Variants in ACSS1 observed in about 807,000 individuals in gnomAD.
ACSS1 encodes the protein acetyl-coenzyme A synthetase 2-like, mitochondrial.
ACSS1 carries 42 observed loss-of-function variants against 75.3 expected under a neutral mutation model. The ratio of observed to expected loss-of-function variants is 0.56; its 90% CI spans 0.44 to 0.72. The LOEUF (loss-of-function observed/expected upper bound fraction) is 0.72, where lower values mean the gene tolerates loss of function less well. Ranked by LOEUF, ACSS1 falls within the 30% of genes least tolerant of loss-of-function variation. ACSS1 has a pLI of 0.00. For missense variants in ACSS1, 782 were observed against 935.7 expected (o/e 0.84, Z 2.14); for synonymous variants, 380 against 376.8 (o/e 1.01, Z -0.10).
In ACSS1 at chr20:25,013,516, G is replaced by T; in HGVS notation, c.1579+20C>A. ...CAGTCAGCTGAAAAGGAATGAGAGG[G>T]TCCCTGACAGCCTGCTCACCTGGGT... On this transcript the variant is annotated intron_variant, in intron 10 of 13. Coordinates refer to ENST00000323482, the MANE Select transcript of ACSS1 (RefSeq NM_032501.4). 6.3e-7 allele frequency: 1 copy of T among 1,575,436 alleles called. No homozygotes were observed. Among genetic ancestry groups the T allele is most frequent in the Non-Finnish European group, 8.7e-7 (1 of 1,155,250 alleles).
In ACSS1 at chr20:25,042,205, C is replaced by T. The variant is rs146589418; in HGVS notation, c.431+5880G>A. On this transcript the variant is annotated intron_variant, in intron 2 of 13. Transcript: ENST00000323482. ...GCCAGGACCTCGGCACCCAGGAGAA[C>T]GCAAGGGAGCACAGGCAGCGTGCGT... Among the ~76,000 whole-genome samples the T allele has an allele frequency of 1.1e-4, 17 of 152,278 alleles. No homozygotes were observed. The East Asian group carries it at 2.5e-3, about 23-fold the overall frequency.
chr20:25,054,986 T>C (rs879696710), intron 1 of ACSS1, among the ~76,000 whole-genome samples: 26 of 152,228 alleles, frequency 1.7e-4, no homozygotes, highest in Middle Eastern at 3.2e-3. Flanking sequence ...AAATAACCAG[T>C]CCACTTTTTG....
intron 1 of ACSS1, among the ~76,000 whole-genome samples, chr20:25,055,212 A>G (rs2089225621): frequency 1.3e-5 from 2 of 152,212 alleles, no homozygotes; most frequent in Admixed American, 1.3e-4. Flanking sequence ...TGACTCACAG[A>G]CTCTGCGAGG....
At position 25,009,434 on chromosome 20, in the gene ACSS1, G is replaced by A. The variant is rs563074507; in HGVS notation, c.1772-46C>T. On this transcript the variant is annotated intron_variant, in intron 12 of 13. Transcript: ENST00000323482. ...GGGGATGTATTAAATACTAGACAAG[G>A]AGCCAACTCCCGAGGCAGGGTGCTA... 21 of 1,510,330 alleles carry A rather than the reference G, an allele frequency of 1.4e-5. No homozygotes were observed. In the South Asian group the frequency reaches 1.8e-4, roughly 13 times the overall value. 93.6% of individuals were successfully genotyped at this position (1,510,330 alleles called of 1,614,324 possible).
intron 1 of ACSS1, among the ~76,000 whole-genome samples, chr20:25,049,614 GAATTTACCCTGGGAAGGCA>G (rs2089148963): frequency 6.6e-6 from 1 of 152,186 alleles, no homozygotes; most frequent in African/African-American, 2.4e-5. Flanking sequence ...CACTGGAGCT[GAATTTACCCTGGGAAGGCA>G]AACCCTGGGA....
chr20:25,053,230 ATTTT>A (rs376414199), intron 1 of ACSS1, among the ~76,000 whole-genome samples: 11 of 133,428 alleles, frequency 8.2e-5, no homozygotes, highest in African/African-American at 2.0e-4. Context: ...CGCTCGGCTA[ATTTT>A]TTTTTTTTTT....
chr20:25,013,705 G>A, intron 9 of ACSS1, 43 bp from the exon 10 acceptor site: 1 of 1,564,064 alleles, frequency 6.4e-7, no homozygotes, highest in Non-Finnish European at 8.7e-7. Context: ...CAGGCTCTGG[G>A]TGAGAAGTGT....
rs911967088 is a variant in ACSS1 at position 25,013,677 on chromosome 20, C to T, written c.1453-15G>A. ...ACGACGCTGCCCTGTAGACCCCGGA[C>T]ATGCAAGTGAGACAGGGCAGGCTCT... is the stretch of plus-strand genomic sequence containing the variant. On this transcript the variant is annotated splice_polypyrimidine_tract_variant and intron_variant, in intron 9 of 13. Transcript: ENST00000323482. The T allele has an allele frequency of 6.3e-7, 1 of 1,587,166 alleles. No homozygotes were observed. Among genetic ancestry groups the T allele is most frequent in the Non-Finnish European group, 8.6e-7 (1 of 1,165,328 alleles).
chr20:25,039,446 G>A (rs1238321014), intron 2 of ACSS1, among the ~76,000 whole-genome samples: 1 of 152,214 alleles, frequency 6.6e-6, no homozygotes, highest in African/African-American at 2.4e-5. Context: ...GAATGAACCT[G>A]AGGCTGATTC....
In ACSS1 at chr20:25,006,805, C is replaced by A; in HGVS notation, c.*957G>T. The A allele has an allele frequency of 6.5e-7, 1 of 1,533,506 alleles. No homozygotes were observed. The highest frequency in any genetic ancestry group is 8.7e-7 in the Non-Finnish European group (1 of 1,145,132). The allele number at this position is 1,533,506 out of a possible 1,614,324, so 95.0% of individuals were successfully genotyped here. ...ATTGGACCTCAGTGGTTCTCACCGC[C>A]CCAACCACAGAGTGAAGGTCAGGCA... On this transcript the variant is annotated 3_prime_UTR_variant, in exon 14 of 14. Transcript: ENST00000323482.
chr20:25,043,806 G>C (rs1340681878), intron 2 of ACSS1, among the ~76,000 whole-genome samples: 1 of 152,200 alleles, frequency 6.6e-6, no homozygotes, highest in Non-Finnish European at 1.5e-5. Context: ...GCCAGGGCTG[G>C]AATACTGGGG....
intron 2 of ACSS1, among the ~76,000 whole-genome samples, chr20:25,045,136 G>T (rs995789146): frequency 2.0e-5 from 3 of 152,220 alleles, no homozygotes; most frequent in Non-Finnish European, 2.9e-5. Context: ...GTGCGTTCGG[G>T]CTGTCATCTC....
intron 3 of ACSS1, among the ~76,000 whole-genome samples, chr20:25,024,793 C>A (rs1200773198): frequency 6.6e-6 from 1 of 152,190 alleles, no homozygotes; most frequent in Admixed American, 6.5e-5. Flanking sequence ...TCCTAAGAGC[C>A]CTGGAGATGT....
At chr20:25,017,228 T>G (rs1487091348) in intron 7 of ACSS1, among the ~76,000 whole-genome samples, 1 of 152,194 alleles carries the variant, frequency 6.6e-6, no homozygotes, top group South Asian at 2.1e-4. Flanking sequence ...CATGTATTAC[T>G]TATGAAATTG....
At chr20:25,046,557 C>T in intron 2 of ACSS1, 2 of 515,098 alleles carry the variant, frequency 3.9e-6, no homozygotes, top group Non-Finnish European at 7.0e-6. Context: ...TGGCTGGGCC[C>T]TCCCTGCCGG....
In ACSS1 at chr20:25,048,194, A is replaced by C. The variant is rs1568849634; in HGVS notation, c.335-13T>G. 2 of 1,611,048 alleles carry C rather than the reference A, an allele frequency of 1.2e-6. No individual in the cohort carries two copies. The highest frequency in any genetic ancestry group is 4.5e-5 in the East Asian group (2 of 44,838). On this transcript the variant is annotated splice_polypyrimidine_tract_variant and intron_variant, in intron 1 of 13. Transcript: ENST00000323482. The stretch of plus-strand genomic sequence containing the variant: ...TCCAAGCAGTTGACTGTACAAAAAG[A>C]GGGTTTGCGGATGTTACACTTGGTG...
rs1568830607 is a variant in ACSS1 at position 25,015,179 on chromosome 20, CCCA to C, written c.1295_1297del (p.Val432del). 1.9e-6 allele frequency: 3 copies of C among 1,613,272 alleles called. No homozygotes were observed. The highest frequency in any genetic ancestry group is 2.5e-6 in the Non-Finnish European group (3 of 1,179,348). ...GTCCACCAGCGTGCACCTGCTGTCCCCCACCACCCTGTGAAGCCACTCCCAGGC... is the reference window on the plus strand; with the variant it reads ...GTCCACCAGCGTGCACCTGCTGTCCCCCACCCTGTGAAGCCACTCCCAGGC... On this transcript the variant is annotated inframe_deletion, in exon 8 of 14. Coordinates refer to ENST00000323482, the MANE Select transcript of ACSS1 (RefSeq NM_032501.4).
Position 25,023,568 on chromosome 20 carries a change from C to T in ACSS1, c.705G>A (p.Val235=). The T allele has an allele frequency of 6.2e-7, 1 of 1,614,122 alleles. No individual in the cohort carries two copies. The highest frequency in any genetic ancestry group is 1.6e-4 in the Middle Eastern group (1 of 6,062). ...TGGGGCAGTGCTTCACAGCCTCATCCACTATTTTCTTCAGCTCCACCACGC... is the reference window on the plus strand; with the variant it reads ...TGGGGCAGTGCTTCACAGCCTCATCTACTATTTTCTTCAGCTCCACCACGC... The part of the protein sequence containing the change: ...GGRVVELKKI[V]DEAVKHCPTV... The change falls in exon 4 of 14, where the codon GTG becomes GTA. Residue 235 remains valine, a synonymous_variant. Coordinates refer to ENST00000323482, the MANE Select transcript of ACSS1 (RefSeq NM_032501.4).
chr20:25,023,390 CCA>C, intron 4 of ACSS1, 74 bp downstream of exon 4: 1 of 1,568,644 alleles, frequency 6.4e-7, no homozygotes. Context: ...AAATTGAGAA[CCA>C]CAACCCGAGA....
Sources: gnomAD v4.1 joint callset for allele counts (sites outside exome capture counted in the v4.1 genomes callset) on GRCh38, gnomAD v4.1.1 for gene constraint, MANE v1.5 for transcripts, NCBI Gene and HGNC (gene_info 2026-07-23, HGNC 2026-07-21) for gene names.